LRBA: variants seen among roughly 807,000 people sequenced by gnomAD.
The protein encoded by LRBA is lipopolysaccharide-responsive and beige-like anchor protein.
A neutral mutation model predicts 330.0 loss-of-function variants in LRBA; 176 were observed. That is an observed-to-expected ratio of 0.53 (90% CI 0.47 to 0.60). LRBA has a LOEUF of 0.60. LRBA is among the 20% of genes least tolerant of loss of function. The probability of loss-of-function intolerance (pLI) is 0.00; values close to 1 mark genes in which losing one functional copy is unlikely to be tolerated. For missense variants in LRBA, 3,259 were observed against 3,444.8 expected, an observed-to-expected ratio of 0.95 and a Z score of 1.35; for synonymous variants, 1,230 against 1,193.0, an observed-to-expected ratio of 1.03 and a Z score of -0.64.
chr4:150,342,457 T>C (rs145231163), intron 48 of LRBA, among the ~76,000 whole-genome samples: 2 of 152,292 alleles, frequency 1.3e-5, no homozygotes, highest in East Asian at 3.9e-4. Flanking sequence ...TTTGAAAGAT[T>C]AGCATATTTG....
chr4:150,629,508 A>T (rs1420971129), intron 37 of LRBA, among the ~76,000 whole-genome samples: 5 of 151,522 alleles, frequency 3.3e-5, no homozygotes, highest in African/African-American at 1.2e-4. Context: ...GCATGGTGGC[A>T]CATGCCTGTA....
rs541096616 is a variant in LRBA at position 150,428,937 on chromosome 4, C to T, written c.7041+6652G>A. Among the ~76,000 whole-genome samples, 7 of 152,252 alleles carry T rather than the reference C, an allele frequency of 4.6e-5. No individual in the cohort carries two copies. The South Asian group carries it at 1.5e-3, about 32-fold the overall frequency. On this transcript the variant is annotated intron_variant, in intron 46 of 56. Transcript: ENST00000651943. The stretch of plus-strand genomic sequence containing the variant: ...TTCCCTTGCTCAGAACCCTCTTCCT[C>T]ATTTCATCACATTATTAATTCAATA...
At chr4:150,305,117 C>T (rs1374949246) in intron 52 of LRBA, among the ~76,000 whole-genome samples, 1 of 152,126 alleles carries the variant, frequency 6.6e-6, no homozygotes, top group African/African-American at 2.4e-5. Context: ...TAACCAGGTA[C>T]TTGAGGTAGA....
Position 150,905,921 on chromosome 4 carries a change from G to A in LRBA, c.1672C>T (p.Leu558=), listed in dbSNP as rs780220656. The A allele has an allele frequency of 6.2e-7, 1 of 1,613,402 alleles. No individual in the cohort carries two copies. Residue 558 remains leucine (L), a synonymous_variant, in exon 13 of 57, where the codon CTG becomes TTG. Transcript: ENST00000651943. The part of the protein sequence containing the change: ...CLAFSKYLSN[L]QNGMPLLKQL... ...TTGAGCAGGGGCATCCCATTCTGCAGATTACTCAGATATTTTGAAAATGCA... is the reference window on the plus strand; with the variant it reads ...TTGAGCAGGGGCATCCCATTCTGCAAATTACTCAGATATTTTGAAAATGCA...
chr4:151,000,238 A>G (rs1455555913), intron 2 of LRBA, among the ~76,000 whole-genome samples: 1 of 152,236 alleles, frequency 6.6e-6, no homozygotes, highest in Non-Finnish European at 1.5e-5. Context: ...CCATAAATCA[A>G]CAAGTATTTT....
In LRBA at chr4:150,773,190, A is replaced by C. The variant is rs187540070; in HGVS notation, c.5581-11343T>G. ...TAAGTGGAACCAGCATAATGTCATCAATGTAATGGACGACTGTGATTTCTC... is the reference window on the plus strand; with the variant it reads ...TAAGTGGAACCAGCATAATGTCATCCATGTAATGGACGACTGTGATTTCTC... On this transcript the variant is annotated intron_variant, in intron 34 of 56. Coordinates refer to ENST00000651943, the MANE Select transcript of LRBA (RefSeq NM_001364905.1). Among the ~76,000 whole-genome samples, 230 of 152,334 alleles carry C rather than the reference A, an allele frequency of 1.5e-3. 1 individual carries two copies. Among genetic ancestry groups the C allele is most frequent in the African/African-American group, 5.2e-3 (216 of 41,578 alleles).
chr4:150,826,368 G>A (rs185657780), intron 30 of LRBA, among the ~76,000 whole-genome samples: 1 of 152,286 alleles, frequency 6.6e-6, no homozygotes, highest in Admixed American at 6.5e-5. Flanking sequence ...AGAGAAGTGA[G>A]CACTAGGATT....
intron 2 of LRBA, among the ~76,000 whole-genome samples, chr4:150,963,212 T>C (rs1738369401): frequency 6.7e-6 from 1 of 148,504 alleles, no homozygotes; most frequent in South Asian, 2.1e-4. Flanking sequence ...GTCTCCCCTT[T>C]GCACGGTCTC....
At position 151,014,713 on chromosome 4, in the gene LRBA, A is replaced by C. The variant is rs1745239287; in HGVS notation, c.-71T>G. ...AGTCGCTGCACTGGTAATGAGCACA[A>C]CACACGCAATGCAAAACGAAAGGGT... On this transcript the variant is annotated 5_prime_UTR_variant, in exon 2 of 57. Coordinates refer to ENST00000651943, the MANE Select transcript of LRBA (RefSeq NM_001364905.1). 2 of 998,082 alleles carry C rather than the reference A, an allele frequency of 2.0e-6. No individual in the cohort carries two copies. Among genetic ancestry groups the C allele is most frequent in the Non-Finnish European group, 3.0e-6 (2 of 673,718 alleles). The allele number at this position is 998,082 out of a possible 1,614,324, so 61.8% of individuals were successfully genotyped here.
At chr4:150,320,874 C>T (rs1209723923) in intron 50 of LRBA, among the ~76,000 whole-genome samples, 4 of 151,848 alleles carry the variant, frequency 2.6e-5, no homozygotes, top group African/African-American at 9.7e-5. Flanking sequence ...AAAAGAGAAA[C>T]ATTTGATAAA....
chr4:150,968,857 A>C (rs1739203881), intron 2 of LRBA, among the ~76,000 whole-genome samples: 1 of 152,216 alleles, frequency 6.6e-6, no homozygotes, highest in South Asian at 2.1e-4. Flanking sequence ...AGCTTCATAG[A>C]ACAGGCAGAC....
intron 13 of LRBA, among the ~76,000 whole-genome samples, chr4:150,901,353 C>T (rs1730707593): frequency 6.6e-6 from 1 of 151,984 alleles, no homozygotes. Context: ...AACTATAATC[C>T]ATTACTTAAA....
intron 31 of LRBA, among the ~76,000 whole-genome samples, chr4:150,814,915 T>C (rs1744331079): frequency 6.6e-6 from 1 of 152,030 alleles, no homozygotes; most frequent in Non-Finnish European, 1.5e-5. Flanking sequence ...AAAAATACAA[T>C]GGTTTCAGAG....
At chr4:150,352,462 T>C (rs1737308328) in intron 47 of LRBA, among the ~76,000 whole-genome samples, 1 of 152,186 alleles carries the variant, frequency 6.6e-6, no homozygotes, top group Admixed American at 6.5e-5. Context: ...CATCCCAAAG[T>C]ATACTTTAAA....
intron 48 of LRBA, among the ~76,000 whole-genome samples, chr4:150,335,405 G>GTA (rs752012342): frequency 3.5e-4 from 52 of 147,856 alleles, no homozygotes; most frequent in South Asian, 1.1e-3. Flanking sequence ...GTGTGGCTGT[G>GTA]TATATATATA....
chr4:150,363,183 T>C (rs1738971712), intron 47 of LRBA, among the ~76,000 whole-genome samples: 1 of 152,038 alleles, frequency 6.6e-6, no homozygotes, highest in Non-Finnish European at 1.5e-5. Context: ...TACAGTACTA[T>C]AACCTTGATA....
chr4:150,855,434 A>C (rs1283890184), intron 22 of LRBA, among the ~76,000 whole-genome samples: 4 of 152,194 alleles, frequency 2.6e-5, no homozygotes, highest in Non-Finnish European at 5.9e-5. Flanking sequence ...TTATAGAATG[A>C]CTTTAGTTTT....
rs182359139 is a variant in LRBA at position 150,753,132 on chromosome 4, T to C, written c.5645+8651A>G. On this transcript the variant is annotated intron_variant, in intron 35 of 56. Transcript: ENST00000651943. ...TCAGATTCCACTCTGACCACTCTTA[T>C]TTAACACTGCAATGTCCTCTGTATC... Among the ~76,000 whole-genome samples, 292 of 152,332 alleles carry C rather than the reference T, an allele frequency of 1.9e-3. 1 individual carries two copies. The highest frequency in any genetic ancestry group is 6.8e-3 in the African/African-American group (281 of 41,582).
In LRBA at chr4:150,828,364, C is replaced by T; in HGVS notation, c.4987G>A (p.Asp1663Asn). Reference sequence around the variant, plus strand: ...GAAACTGACGGTGTAGCCTTAGTGTCCAAGTCATTTCCTCTATCATTTTTG... The same window carrying T: ...GAAACTGACGGTGTAGCCTTAGTGTTCAAGTCATTTCCTCTATCATTTTTG... ...ETKNDRGNDL[D>N]TKATPSVSVS... Residue 1663 changes from aspartate to asparagine, a missense_variant, in exon 30 of 57, where the codon GAC becomes AAC. Transcript: ENST00000651943. 2.5e-6 allele frequency: 4 copies of T among 1,614,062 alleles called. No individual in the cohort carries two copies. Among genetic ancestry groups the T allele is most frequent in the Non-Finnish European group, 3.4e-6 (4 of 1,179,998 alleles).
Sources: allele counts gnomAD v4.1 joint callset (sites outside exome capture counted in the v4.1 genomes callset), GRCh38; gene constraint gnomAD v4.1.1; transcripts MANE v1.5; gene names NCBI Gene and HGNC (gene_info 2026-07-23, HGNC 2026-07-21).